The following NUP93 variants were observed in gnomAD, a reference collection of about 807,000 sequenced individuals.
NUP93 encodes the protein nucleoporin 93, also known as nuclear pore complex protein Nup93.
A neutral mutation model predicts 107.8 loss-of-function variants in NUP93; 55 were observed. The ratio of observed to expected loss-of-function variants is 0.51; its 90% confidence interval spans 0.41 to 0.64. The LOEUF (loss-of-function observed/expected upper bound fraction) is 0.64, where lower values mean the gene tolerates loss of function less well. NUP93 is among the 30% of genes least tolerant of loss of function. NUP93 has a pLI of 0.00. For missense variants in NUP93, 937 were observed against 1,044.7 expected (o/e 0.90, Z 1.42); for synonymous variants, 390 against 397.5 (o/e 0.98, Z 0.22).
chr16:56,793,342 T>G (rs1377435392), intron 3 of NUP93, among the ~76,000 whole-genome samples: 1 of 152,066 alleles, frequency 6.6e-6, no homozygotes, highest in Non-Finnish European at 1.5e-5. Context: ...TGTGAGCAAT[T>G]ACAAGTGCTT....
intron 6 of NUP93, among the ~76,000 whole-genome samples, chr16:56,818,983 G>C (rs772084447): frequency 1.3e-5 from 2 of 152,196 alleles, no homozygotes; most frequent in Non-Finnish European, 2.9e-5. Flanking sequence ...ATCTCAGTAT[G>C]CATTTTTGGC....
chr16:56,758,692 A>AGT (rs756738559), intron 3 of NUP93, 37 bp downstream of exon 3: 1 of 1,463,738 alleles, frequency 6.8e-7, no homozygotes, highest in Non-Finnish European at 9.6e-7. Flanking sequence ...CCCAGAGCAT[A>AGT]TAACCCAGGC....
chr16:56,738,782 AC>A (rs1419561078), intron 1 of NUP93, among the ~76,000 whole-genome samples: 9 of 152,136 alleles, frequency 5.9e-5, no homozygotes, highest in Non-Finnish European at 8.8e-5. Context: ...TCAGTATTAA[AC>A]TTTTGATACC....
chr16:56,841,557 T>G, intron 20 of NUP93, 148 bp from the exon 21 acceptor site: 1 of 902,140 alleles, frequency 1.1e-6, no homozygotes. Context: ...TGCCATCAGC[T>G]CCTTTTGGGT....
intron 1 of NUP93, among the ~76,000 whole-genome samples, chr16:56,730,547 C>T (rs1321297630): frequency 1.3e-5 from 2 of 152,166 alleles, no homozygotes; most frequent in African/African-American, 2.4e-5. Flanking sequence ...CCCACCCTGC[C>T]TAAGCCTGCG....
chr16:56,745,431 A>G (rs1961806689), intron 1 of NUP93, among the ~76,000 whole-genome samples: 1 of 152,128 alleles, frequency 6.6e-6, no homozygotes, highest in Non-Finnish European at 1.5e-5. Context: ...ACTGACTGTA[A>G]AAGGATCACT....
rs1033286248 is a variant in NUP93 at position 56,844,900 on chromosome 16, G to C, written c.*291G>C. On this transcript the variant is annotated 3_prime_UTR_variant, in exon 22 of 22. Coordinates refer to ENST00000308159, the MANE Select transcript of NUP93 (RefSeq NM_014669.5). ...GAGGCTATGTAGATATTCATTATTT[G>C]GTTAAATTGACCTTAATTAATTAAA... 1 of 389,918 alleles carries C rather than the reference G, an allele frequency of 2.6e-6. No individual in the cohort carries two copies. Among genetic ancestry groups the C allele is most frequent in the Non-Finnish European group, 4.5e-6 (1 of 221,596 alleles). 24.2% of individuals were successfully genotyped at this position (389,918 alleles called of 1,614,324 possible).
intron 3 of NUP93, among the ~76,000 whole-genome samples, chr16:56,792,217 G>T (rs1482871380): frequency 6.6e-6 from 1 of 152,072 alleles, no homozygotes; most frequent in Admixed American, 6.6e-5. Flanking sequence ...CAAAAAACTG[G>T]TTGATTTCAT....
At chr16:56,814,498 G>A (rs1207711726) in intron 5 of NUP93, among the ~76,000 whole-genome samples, 2 of 152,030 alleles carry the variant, frequency 1.3e-5, no homozygotes, top group Non-Finnish European at 2.9e-5. Context: ...CCTGCATTTC[G>A]TTTTTTTCTA....
Position 56,823,729 on chromosome 16 carries a change from T to C in NUP93, c.677T>C (p.Met226Thr). 6.2e-7 allele frequency: 1 copy of C among 1,614,146 alleles called. No individual in the cohort carries two copies. Among genetic ancestry groups the C allele is most frequent in the Non-Finnish European group, 8.5e-7 (1 of 1,179,986 alleles). The change falls in exon 8 of 22, where the codon ATG (methionine) becomes ACG (threonine). Residue 226 changes from methionine (M) to threonine (T), a missense_variant. Met to Thr is a moderately conservative substitution (Grantham distance 81). Coordinates refer to ENST00000308159, the MANE Select transcript of NUP93 (RefSeq NM_014669.5). ...DDKSISDMWT[M>T]VKQMTDVLLT... The stretch of plus-strand genomic sequence containing the variant: ...CAGAGCATTTCCGACATGTGGACCA[T>C]GGTAAAACAAATGACAGACGTGTTG...
intron 2 of NUP93, among the ~76,000 whole-genome samples, chr16:56,756,452 C>T (rs556742375): frequency 5.9e-5 from 9 of 152,152 alleles, no homozygotes; most frequent in Non-Finnish European, 1.2e-4. Context: ...CTTCATCCAG[C>T]TCCCTGCAAA....
Position 56,749,256 on chromosome 16 carries a change from T to C in NUP93, c.179+830T>C, listed in dbSNP as rs578035423. Among the ~76,000 whole-genome samples the C allele has an allele frequency of 2.0e-5, 3 of 152,330 alleles. No individual in the cohort carries two copies. In the South Asian group the frequency reaches 6.2e-4, roughly 32 times the overall value. Reference sequence around the variant, plus strand: ...GATTTACTGGTTATTTACTGTGTGTTACAAGCTTGGCTAGACGTGAGATTT... The same window carrying C: ...GATTTACTGGTTATTTACTGTGTGTCACAAGCTTGGCTAGACGTGAGATTT... On this transcript the variant is annotated intron_variant, in intron 2 of 21. Transcript: ENST00000308159.
chr16:56,815,432 G>T (rs2144596846), intron 5 of NUP93, among the ~76,000 whole-genome samples: 1 of 151,830 alleles, frequency 6.6e-6, no homozygotes, highest in East Asian at 1.9e-4. Flanking sequence ...TGGGGGGCTT[G>T]GTGGGGGCTT....
At chr16:56,761,617 AATT>A (rs766382158) in intron 3 of NUP93, among the ~76,000 whole-genome samples, 30 of 152,240 alleles carry the variant, frequency 2.0e-4, no homozygotes, top group Non-Finnish European at 3.8e-4. Context: ...GTCAGAGGGA[AATT>A]ATTATGTCAG....
intron 3 of NUP93, among the ~76,000 whole-genome samples, chr16:56,763,523 G>GGT (rs767710439): frequency 9.5e-4 from 118 of 124,482 alleles, no homozygotes; most frequent in African/African-American, 2.1e-3. Flanking sequence ...TGTATGTGTG[G>GGT]GTGTGTGTGT....
At chr16:56,814,594 G>A (rs1292013011) in intron 5 of NUP93, among the ~76,000 whole-genome samples, 3 of 152,110 alleles carry the variant, frequency 2.0e-5, no homozygotes, top group Non-Finnish European at 4.4e-5. Context: ...ACAAGTTTGC[G>A]GTTCCCTCCT....
At chr16:56,750,011 T>C (rs1961890090) in intron 2 of NUP93, among the ~76,000 whole-genome samples, 1 of 152,244 alleles carries the variant, frequency 6.6e-6, no homozygotes, top group Non-Finnish European at 1.5e-5. Flanking sequence ...GGCTCTGTGC[T>C]GTATGCAAAG....
intron 2 of NUP93, among the ~76,000 whole-genome samples, chr16:56,757,305 T>C (rs1183993822): frequency 6.6e-6 from 1 of 152,246 alleles, no homozygotes; most frequent in Non-Finnish European, 1.5e-5. Flanking sequence ...TACTAATTTA[T>C]AATCCAAGAA....
rs1486885620 is a variant in NUP93, at chr16:56,834,222, A to C, written c.1632A>C (p.Pro544=). ...LYTRKFESTD[P]REALQYFYFL... is the part of the protein sequence containing the mutation. ...CCCGGAAGTTTGAGTCCACGGACCCAAGGGAGGCCCTCCAGTACTTCTATT... is the reference window on the plus strand; with the variant it reads ...CCCGGAAGTTTGAGTCCACGGACCCCAGGGAGGCCCTCCAGTACTTCTATT... Residue 544 remains proline (P), a synonymous_variant, in exon 14 of 22, where the codon CCA becomes CCC. Coordinates refer to ENST00000308159, the MANE Select transcript of NUP93 (RefSeq NM_014669.5). 1 of 1,614,146 alleles carries C rather than the reference A, an allele frequency of 6.2e-7. No individual in the cohort carries two copies. The highest frequency in any genetic ancestry group is 1.1e-5 in the South Asian group (1 of 91,076).
Sources: allele counts gnomAD v4.1 joint callset (sites outside exome capture counted in the v4.1 genomes callset), GRCh38; gene constraint gnomAD v4.1.1; transcripts MANE v1.5; gene names NCBI Gene and HGNC (gene_info 2026-07-23, HGNC 2026-07-21).